The following CASS4 variants were observed in gnomAD, a reference collection of about 807,000 sequenced individuals.
The protein encoded by CASS4 is cas scaffolding protein family member 4.
Under a neutral mutation model 54.2 loss-of-function variants are expected in CASS4, and 22 were observed. That is an observed-to-expected ratio of 0.41 (90% CI 0.29 to 0.58). CASS4 has a LOEUF of 0.58. Among genes scored for constraint, CASS4 ranks in the 20% least tolerant of loss-of-function variants. The pLI, the probability that CASS4 is intolerant of heterozygous loss-of-function variation, is 0.36. For synonymous variants in CASS4, 409 were observed against 391.5 expected (o/e 1.04, Z -0.53); for missense variants, 854 against 986.7 (o/e 0.87, Z 1.80).
In CASS4 at chr20:56,458,368, C is replaced by T. The variant is rs1220410646; in HGVS notation, c.1982C>T (p.Ser661Leu). ...QNPGPLIPQP[S>L]SQQTPERKPR... Reference sequence around the variant, plus strand: ...CCTGGCCCTCTTATACCTCAGCCTTCGAGTCAACAGACTCCTGAGAGGAAA... The same window carrying T: ...CCTGGCCCTCTTATACCTCAGCCTTTGAGTCAACAGACTCCTGAGAGGAAA... The change falls in exon 6 of 6, where the codon TCG (serine) becomes TTG (leucine). Residue 661 changes from serine to leucine, a missense_variant. Transcript: ENST00000679887. The T allele has an allele frequency of 5.6e-6, 9 of 1,613,086 alleles. No individual in the cohort carries two copies. Among genetic ancestry groups the T allele is most frequent in the South Asian group, 2.2e-5 (2 of 91,062 alleles).
At chr20:56,423,616 C>A (rs1315674679) in intron 1 of CASS4, among the ~76,000 whole-genome samples, 1 of 152,110 alleles carries the variant, frequency 6.6e-6, no homozygotes, top group African/African-American at 2.4e-5. Context: ...GCAATCTCAG[C>A]TCACTGCAAC....
intron 1 of CASS4, among the ~76,000 whole-genome samples, chr20:56,413,234 CAT>C (rs956799953): frequency 6.7e-6 from 1 of 149,008 alleles, no homozygotes; most frequent in African/African-American, 2.5e-5. Flanking sequence ...TTTACCCAGA[CAT>C]AAAGAAAGTG....
intron 2 of CASS4, among the ~76,000 whole-genome samples, chr20:56,442,511 C>G (rs1980510029): frequency 6.6e-6 from 1 of 151,728 alleles, no homozygotes; most frequent in African/African-American, 2.4e-5. Context: ...CGTTACAGCT[C>G]TGTAACTTAT....
intron 1 of CASS4, among the ~76,000 whole-genome samples, chr20:56,415,295 T>TAGC (rs1979076524): frequency 6.6e-6 from 1 of 152,190 alleles, no homozygotes; most frequent in Admixed American, 6.5e-5. Flanking sequence ...CCACAGGCCC[T>TAGC]TGTGTAGCAG....
At chr20:56,413,576 G>A (rs1978987566) in intron 1 of CASS4, among the ~76,000 whole-genome samples, 1 of 150,084 alleles carries the variant, frequency 6.7e-6, no homozygotes, top group African/African-American at 2.5e-5. Context: ...GGGAGGCTGA[G>A]GCACAAGAAT....
intron 5 of CASS4, among the ~76,000 whole-genome samples, chr20:56,456,453 A>C (rs561638204): frequency 6.6e-6 from 1 of 151,656 alleles, no homozygotes; most frequent in South Asian, 2.1e-4. Flanking sequence ...AGCTCATTGC[A>C]ATCTCCGCCT....
At chr20:56,440,459 G>A (rs1980402791) in intron 2 of CASS4, among the ~76,000 whole-genome samples, 1 of 152,112 alleles carries the variant, frequency 6.6e-6, no homozygotes, top group Non-Finnish European at 1.5e-5. Flanking sequence ...GAGGACCCTC[G>A]AAGACCACTT....
intron 1 of CASS4, among the ~76,000 whole-genome samples, chr20:56,424,740 C>CAAAAAAAA: frequency 1.4e-5 from 1 of 72,068 alleles, no homozygotes; most frequent in Non-Finnish European, 2.8e-5. Flanking sequence ...GACTCTGTCT[C>CAAAAAAAA]AAAAAAAAAA....
In CASS4 at chr20:56,452,875, C is replaced by T. The variant is rs1316116776; in HGVS notation, c.1699C>T (p.Arg567Trp). Reference protein sequence around the residue: ...DDLERFVMVARMLPEDIKRFA... With the variant: ...DDLERFVMVAWMLPEDIKRFA... ...CCTTGAGAGGTTTGTCATGGTGGCA[C>T]GGATGCTTCCAGAAGACATCAAGAG... Residue 567 changes from arginine to tryptophan, a missense_variant, in exon 5 of 6, where the codon CGG becomes TGG. Transcript: ENST00000679887. 5 of 1,613,990 alleles carry T rather than the reference C, an allele frequency of 3.1e-6. No homozygotes were observed. The highest frequency in any genetic ancestry group is 1.7e-5 in the Admixed American group (1 of 59,992).
intron 1 of CASS4, among the ~76,000 whole-genome samples, chr20:56,434,573 T>A (rs6099145): frequency 0.36 from 54,025 of 151,378 alleles, 12,749 homozygotes; most frequent in African/African-American, 0.66. Flanking sequence ...AGTAGCTGGG[T>A]CTACAGGTGC....
In CASS4 at chr20:56,437,610, A is replaced by C. The variant is rs751489816; in HGVS notation, c.459+24A>C. The stretch of plus-strand genomic sequence containing the variant: ...AGGTACGCATACTTCCACCTACTAG[A>C]CATGGGTTGAGGGGTATGGAAACAC... On this transcript the variant is annotated intron_variant, in intron 2 of 5. Transcript: ENST00000679887. The surrounding 1 kb of genome is among the most constrained non-coding windows in gnomAD (Gnocchi z 4.7). The C allele has an allele frequency of 1.3e-6, 2 of 1,514,546 alleles. No homozygotes were observed. The highest frequency in any genetic ancestry group is 1.8e-6 in the Non-Finnish European group (2 of 1,130,474). 93.8% of individuals were successfully genotyped at this position (1,514,546 alleles called of 1,614,324 possible). A position where few individuals can be genotyped will look rare whatever the true frequency, so the allele number is the denominator to read the frequency against.
intron 2 of CASS4, among the ~76,000 whole-genome samples, chr20:56,444,616 T>A (rs1980618722): frequency 6.6e-6 from 1 of 152,188 alleles, no homozygotes; most frequent in Admixed American, 6.5e-5. Context: ...TATTTTAAAG[T>A]TCCCCAGGGG....
chr20:56,452,848 G>T lies in CASS4; in HGVS notation c.1672G>T (p.Asp558Tyr). The T allele has an allele frequency of 6.2e-7, 1 of 1,614,058 alleles. No homozygotes were observed. Among genetic ancestry groups the T allele is most frequent in the Non-Finnish European group, 8.5e-7 (1 of 1,180,018 alleles). The change falls in exon 5 of 6, where the codon GAC (aspartate) becomes TAC (tyrosine). Residue 558 changes from aspartate to tyrosine, a missense_variant. Asp to Tyr is a radical substitution (Grantham distance 160, BLOSUM62 -3). Transcript: ENST00000679887. Reference sequence around the variant, plus strand: ...TGACAGTGTCCAGAACAGCCCAGATGACCTTGAGAGGTTTGTCATGGTGGC... The same window carrying T: ...TGACAGTGTCCAGAACAGCCCAGATTACCTTGAGAGGTTTGTCATGGTGGC... ...VTDSVQNSPD[D>Y]LERFVMVARM...
intron 5 of CASS4, among the ~76,000 whole-genome samples, chr20:56,456,846 TTTTTG>T (rs955276770): frequency 6.6e-6 from 1 of 151,990 alleles, no homozygotes; most frequent in Non-Finnish European, 1.5e-5. Context: ...ACCTGGCTAA[TTTTTG>T]TTTTGTTTTG....
chr20:56,438,460 T>G (rs1600761216), intron 2 of CASS4, among the ~76,000 whole-genome samples: 1 of 152,174 alleles, frequency 6.6e-6, no homozygotes, highest in Admixed American at 6.5e-5. Flanking sequence ...TATACATATC[T>G]TGGCATATCA....
intron 2 of CASS4, among the ~76,000 whole-genome samples, chr20:56,443,427 C>T (rs1479217428): frequency 1.4e-5 from 2 of 140,494 alleles, no homozygotes; most frequent in East Asian, 4.9e-4. Context: ...CGAAATGGCA[C>T]CACTGCACTC....
chr20:56,444,781 T>G (rs1290237644), intron 2 of CASS4, among the ~76,000 whole-genome samples: 1 of 152,138 alleles, frequency 6.6e-6, no homozygotes, highest in Non-Finnish European at 1.5e-5. Context: ...TTTCCCAAAG[T>G]GCCTTGAGCA....
chr20:56,443,584 T>G (rs1190131877), intron 2 of CASS4, among the ~76,000 whole-genome samples: 8 of 148,148 alleles, frequency 5.4e-5, no homozygotes. Flanking sequence ...GTTTACTGAG[T>G]GTAAAGAGGG....
Position 56,412,419 on chromosome 20 carries a change from C to G in CASS4, c.-40C>G. On this transcript the variant is annotated 5_prime_UTR_variant, in exon 1 of 6. Transcript: ENST00000679887. The surrounding 1 kb of genome is among the most constrained non-coding windows in gnomAD (Gnocchi z 4.2). The stretch of plus-strand genomic sequence containing the variant: ...CAATCTGCCTCTGAAGCTGGAGATA[C>G]TAGCTGCAGAGCTCAGGGGAGCTGC... 6.2e-7 allele frequency: 1 copy of G among 1,608,382 alleles called. No individual in the cohort carries two copies. Among genetic ancestry groups the G allele is most frequent in the Non-Finnish European group, 8.5e-7 (1 of 1,176,716 alleles).
Sources: gnomAD v4.1 joint callset for allele counts (sites outside exome capture counted in the v4.1 genomes callset) on GRCh38, gnomAD v4.1.1 for gene constraint, Gnocchi (gnomAD v3.1) non-coding constraint, MANE v1.5 for transcripts, NCBI Gene and HGNC (gene_info 2026-07-23, HGNC 2026-07-21) for gene names.